FHIT: variants seen among roughly 807,000 people sequenced by gnomAD.
FHIT encodes fragile histidine triad diadenosine triphosphatase, also known as bis(5'-adenosyl)-triphosphatase.
Under a neutral mutation model 17.9 loss-of-function variants are expected in FHIT, and 19 were observed. That is an observed-to-expected ratio of 1.06 (90% CI 0.74 to 1.56). FHIT has a LOEUF of 1.56. Ranked by LOEUF, FHIT falls within the 40% of genes most tolerant of loss-of-function variation. The probability of loss-of-function intolerance (pLI) is 0.00; values close to 1 mark genes in which losing one functional copy is unlikely to be tolerated. For missense variants in FHIT, 248 were observed against 189.2 expected (o/e 1.31, Z -1.82); for synonymous variants, 81 against 69.7 (o/e 1.16, Z -0.81).
chr3:60,751,093 G>A lies in FHIT; in HGVS notation c.-18+70826C>T, dbSNP rs141138523. Among the ~76,000 whole-genome samples, 7 of 152,298 alleles carry A rather than the reference G, an allele frequency of 4.6e-5. No homozygotes were observed. The East Asian group carries it at 1.3e-3, about 29-fold the overall frequency. ...TTGTTCAGTCATCTTTCTAACCCTA[G>A]GGTGGGACCCTTTCTCACCAACCAG... On this transcript the variant is annotated intron_variant, in intron 4 of 9. Coordinates refer to ENST00000492590, the MANE Select transcript of FHIT (RefSeq NM_002012.4).
chr3:60,780,215 A>C (rs892831403), intron 4 of FHIT, among the ~76,000 whole-genome samples: 1 of 152,096 alleles, frequency 6.6e-6, no homozygotes, highest in Non-Finnish European at 1.5e-5. Context: ...GGACTCCTTT[A>C]AAAGGCACCT....
intron 8 of FHIT, among the ~76,000 whole-genome samples, chr3:59,893,062 T>A (rs555175360): frequency 4.9e-4 from 75 of 152,360 alleles, no homozygotes; most frequent in African/African-American, 1.7e-3. Context: ...AAATATGTAG[T>A]CAGTTGTGTT....
At chr3:59,938,281 G>A (rs915772425) in intron 7 of FHIT, among the ~76,000 whole-genome samples, 1 of 152,136 alleles carries the variant, frequency 6.6e-6, no homozygotes, top group Non-Finnish European at 1.5e-5. Flanking sequence ...CATACACTAA[G>A]TGAAATAAAC....
At chr3:61,201,938 ATGTG>A (rs893866549) in intron 1 of FHIT, among the ~76,000 whole-genome samples, 1 of 149,784 alleles carries the variant, frequency 6.7e-6, no homozygotes, top group Non-Finnish European at 1.5e-5. Context: ...AAATACATAT[ATGTG>A]TGTGTATGTG....
At chr3:60,082,984 T>A (rs1703354210) in intron 5 of FHIT, among the ~76,000 whole-genome samples, 1 of 152,124 alleles carries the variant, frequency 6.6e-6, no homozygotes, top group African/African-American at 2.4e-5. Context: ...CCCTACTTGT[T>A]AAATTGTGTT....
At chr3:60,366,602 G>A (rs1048209327) in intron 5 of FHIT, among the ~76,000 whole-genome samples, 1 of 152,144 alleles carries the variant, frequency 6.6e-6, no homozygotes, top group African/African-American at 2.4e-5. Context: ...GAGTATGTTA[G>A]TGATGTTGGG....
At chr3:61,030,175 G>A (rs913381279) in intron 3 of FHIT, among the ~76,000 whole-genome samples, 1 of 152,120 alleles carries the variant, frequency 6.6e-6, no homozygotes, top group Non-Finnish European at 1.5e-5. Flanking sequence ...TCTTCATGTT[G>A]CCTAGGCTGG....
chr3:60,087,023 A>G (rs1415798455), intron 5 of FHIT, among the ~76,000 whole-genome samples: 2 of 150,764 alleles, frequency 1.3e-5, no homozygotes, highest in African/African-American at 2.5e-5. Context: ...TCTGAAATCT[A>G]TGAGTCATCA....
intron 5 of FHIT, among the ~76,000 whole-genome samples, chr3:60,444,995 G>A (rs2031219020): frequency 6.6e-6 from 1 of 152,110 alleles, no homozygotes. Context: ...GAAAAGCGAT[G>A]AAAGGAACAG....
chr3:60,678,783 C>A (rs138364993), intron 4 of FHIT, among the ~76,000 whole-genome samples: 119 of 152,254 alleles, frequency 7.8e-4, no homozygotes, highest in African/African-American at 2.8e-3. Flanking sequence ...CCAGCCTGGG[C>A]ATGACAGCTG....
intron 5 of FHIT, among the ~76,000 whole-genome samples, chr3:60,097,427 G>A (rs1032039314): frequency 6.6e-6 from 1 of 152,098 alleles, no homozygotes; most frequent in Non-Finnish European, 1.5e-5. Context: ...TCTAGTCCCA[G>A]TTTTCCAAGA....
chr3:60,795,906 C>T (rs1700965268), intron 4 of FHIT, among the ~76,000 whole-genome samples: 1 of 152,120 alleles, frequency 6.6e-6, no homozygotes, highest in Non-Finnish European at 1.5e-5. Flanking sequence ...AGTCTGTTTT[C>T]ATGCTGCTGA....
In FHIT at chr3:60,065,437, A is replaced by G. The variant is rs114742895; in HGVS notation, c.104-51285T>C. ...AGAGGCATGGTGAGGGTTGAATAAG[A>G]TCATGCACATTAAGTACCTAGGACC... is the stretch of plus-strand genomic sequence containing the variant. On this transcript the variant is annotated intron_variant, in intron 5 of 9. Coordinates refer to ENST00000492590, the MANE Select transcript of FHIT (RefSeq NM_002012.4). Among the ~76,000 whole-genome samples, 1,509 of 152,204 alleles carry G rather than the reference A, an allele frequency of 9.9e-3. 29 individuals are homozygous for G. The highest frequency in any genetic ancestry group is 0.033 in the African/African-American group (1,361 of 41,538).
intron 5 of FHIT, among the ~76,000 whole-genome samples, chr3:60,127,280 G>A (rs1400577639): frequency 6.6e-6 from 1 of 152,140 alleles, no homozygotes; most frequent in Non-Finnish European, 1.5e-5. Flanking sequence ...TTAGATAATT[G>A]ATTTCCACTT....
At position 60,069,376 on chromosome 3, in the gene FHIT, T is replaced by C. The variant is rs73830676; in HGVS notation, c.104-55224A>G. On this transcript the variant is annotated intron_variant, in intron 5 of 9. Transcript: ENST00000492590. ...ATAGTTTAATCCCAACCTGTTACAA[T>C]TCATGACAAAACAAATGGTTTAAAG... Among the ~76,000 whole-genome samples the C allele has an allele frequency of 9.5e-3, 1,442 of 152,330 alleles. 27 individuals carry two copies. The highest frequency in any genetic ancestry group is 0.03 in the African/African-American group (1,255 of 41,568).
At chr3:60,145,333 A>T (rs1297632285) in intron 5 of FHIT, among the ~76,000 whole-genome samples, 1 of 152,210 alleles carries the variant, frequency 6.6e-6, no homozygotes, top group Non-Finnish European at 1.5e-5. Flanking sequence ...AATTATGTAC[A>T]AGCTTCACCA....
chr3:61,009,175 C>T (rs1270505723), intron 3 of FHIT, among the ~76,000 whole-genome samples: 1 of 152,164 alleles, frequency 6.6e-6, no homozygotes, highest in Non-Finnish European at 1.5e-5. Context: ...AAGCAATAGA[C>T]TGGGTCCCAT....
At chr3:59,973,450 C>T (rs1708275565) in intron 7 of FHIT, among the ~76,000 whole-genome samples, 2 of 152,184 alleles carry the variant, frequency 1.3e-5, no homozygotes, top group South Asian at 4.1e-4. Flanking sequence ...TGTATCCCTC[C>T]CCAACCTCTG....
chr3:60,040,884 A>C (rs1404327139), intron 5 of FHIT, among the ~76,000 whole-genome samples: 2 of 152,092 alleles, frequency 1.3e-5, no homozygotes, highest in African/African-American at 4.8e-5. Context: ...GCTGATCTAT[A>C]CTTCTTGAAG....
Sources: gnomAD v4.1 joint callset for allele counts (sites outside exome capture counted in the v4.1 genomes callset) on GRCh38, gnomAD v4.1.1 for gene constraint, MANE v1.5 for transcripts, NCBI Gene and HGNC (gene_info 2026-07-23, HGNC 2026-07-21) for gene names.